The following CCDC88C variants were observed in gnomAD, a reference collection of about 807,000 sequenced individuals.
CCDC88C encodes protein Daple.
In CCDC88C, 131 loss-of-function variants were observed where a neutral mutation model predicts 198.8. That is an observed-to-expected ratio of 0.66 (90% CI 0.57 to 0.76). The LOEUF is 0.76. CCDC88C is among the 30% of genes least tolerant of loss of function. CCDC88C has a pLI of 0.00. For synonymous variants in CCDC88C, 1,166 were observed against 1,114.7 expected, an observed-to-expected ratio of 1.05 and a Z score of -0.92; for missense variants, 2,553 against 2,631.6, an observed-to-expected ratio of 0.97 and a Z score of 0.65.
At chr14:91,403,947 A>G (rs1338563472) in intron 3 of CCDC88C, among the ~76,000 whole-genome samples, 2 of 152,240 alleles carry the variant, frequency 1.3e-5, no homozygotes, top group Non-Finnish European at 2.9e-5. Context: ...ATTAAATTAA[A>G]TTTTTAAAAT....
At position 91,339,900 on chromosome 14, in the gene CCDC88C, C is replaced by T. The variant is rs890235261; in HGVS notation, c.608G>A (p.Arg203Gln). 15 of 1,589,422 alleles carry T rather than the reference C, an allele frequency of 9.4e-6. No individual in the cohort carries two copies. The highest frequency in any genetic ancestry group is 9.4e-6 in the Non-Finnish European group (11 of 1,169,170). Residue 203 changes from arginine (R) to glutamine (Q), a missense_variant, in exon 7 of 30, where the codon CGG becomes CAG. Arg to Gln is a conservative substitution (Grantham distance 43, BLOSUM62 1). Transcript: ENST00000389857. This position sits in a 1 kb window ranked among gnomAD's most constrained non-coding sequence, Gnocchi z 5.8. The stretch of plus-strand genomic sequence containing the variant: ...CGGACGCACCTCGGTGCACTCGTCC[C>T]GCTGGTCGATGAGCCTCCGCAGGTG... ...VLHLRRLIDQ[R>Q]DECTELIVDL...
intron 3 of CCDC88C, among the ~76,000 whole-genome samples, chr14:91,360,637 G>C (rs1458433468): frequency 1.3e-5 from 2 of 152,240 alleles, no homozygotes; most frequent in African/African-American, 4.8e-5. Context: ...CCCGAGGTGG[G>C]GCACAGGCGA....
In CCDC88C at chr14:91,338,597, G is replaced by GT; in HGVS notation, c.810-28dup. The GT allele has an allele frequency of 6.6e-7, 1 of 1,518,796 alleles. No individual in the cohort carries two copies. The highest frequency in any genetic ancestry group is 9.0e-7 in the Non-Finnish European group (1 of 1,116,894). 94.1% of individuals were successfully genotyped at this position (1,518,796 alleles called of 1,614,324 possible). ...TGCAGAGGCAGTAAGGAGAAAGAGTGTGGGAGGCAGCTTCCTCAACAAGCA... is the reference window on the plus strand; with the variant it reads ...TGCAGAGGCAGTAAGGAGAAAGAGTGTTGGGAGGCAGCTTCCTCAACAAGCA... On this transcript the variant is annotated intron_variant, in intron 8 of 29. Coordinates refer to ENST00000389857, the MANE Select transcript of CCDC88C (RefSeq NM_001080414.4). This position sits in a 1 kb window ranked among gnomAD's most constrained non-coding sequence, Gnocchi z 4.8.
chr14:91,417,303 C>G (rs973531197), intron 1 of CCDC88C: 2 of 664,260 alleles, frequency 3.0e-6, no homozygotes, highest in Non-Finnish European at 5.4e-6. Context: ...GGCTAAACCC[C>G]AGGGACAGGA....
chr14:91,285,792 C>T (rs2139733707), intron 25 of CCDC88C: 2 of 1,288,964 alleles, frequency 1.6e-6, no homozygotes, highest in South Asian at 2.5e-5. Flanking sequence ...TTGTCTTTGT[C>T]CTTGTTTTTG....
At chr14:91,294,933 C>T (rs992311465) in intron 22 of CCDC88C, among the ~76,000 whole-genome samples, 4 of 152,322 alleles carry the variant, frequency 2.6e-5, no homozygotes, top group African/African-American at 9.6e-5. Flanking sequence ...GCTGGGATTA[C>T]AGGCGTGAAC....
intron 23 of CCDC88C, among the ~76,000 whole-genome samples, chr14:91,292,448 TTA>T (rs1890700970): frequency 6.6e-6 from 1 of 152,178 alleles, no homozygotes; most frequent in African/African-American, 2.4e-5. Flanking sequence ...ATCACCGGGA[TTA>T]TAGAGGGCCA....
chr14:91,301,647 G>A (rs1891292420), intron 20 of CCDC88C, among the ~76,000 whole-genome samples: 2 of 152,228 alleles, frequency 1.3e-5, no homozygotes, highest in Non-Finnish European at 2.9e-5. Context: ...AAGCCGGGAG[G>A]TGGAGGCTGC....
chr14:91,307,241 A>G lies in CCDC88C; in HGVS notation c.3007-15T>C, dbSNP rs367989338. On this transcript the variant is annotated splice_polypyrimidine_tract_variant and intron_variant, in intron 17 of 29. Coordinates refer to ENST00000389857, the MANE Select transcript of CCDC88C (RefSeq NM_001080414.4). ...TCCTTCTTTAGCTACAGGTGTGACA[A>G]TAAGCAAGGAGGCTTTAGGCGGAAG... 1.7e-5 allele frequency: 27 copies of G among 1,611,364 alleles called. No individual in the cohort carries two copies. In the East Asian group the frequency reaches 4.9e-4, roughly 29 times the overall value.
At chr14:91,304,168 G>A (rs1488474518) in intron 19 of CCDC88C, among the ~76,000 whole-genome samples, 190 bp from the exon 20 acceptor site, 3 of 152,194 alleles carry the variant, frequency 2.0e-5, no homozygotes, top group Non-Finnish European at 2.9e-5. Context: ...CCGCATAGAC[G>A]GGCACTCAGA....
intron 5 of CCDC88C, 86 bp downstream of exon 5, chr14:91,343,513 T>C: frequency 6.4e-7 from 1 of 1,572,354 alleles, no homozygotes; most frequent in Non-Finnish European, 8.6e-7. Context: ...TCCTCCCACC[T>C]AAGCTAAGGG....
Position 91,299,987 on chromosome 14 carries a change from T to C in CCDC88C, c.3719A>G (p.Glu1240Gly). Residue 1240 changes from glutamate (E) to glycine (G), a missense_variant, in exon 21 of 30, where the codon GAG becomes GGG. Transcript: ENST00000389857. Reference protein sequence around the residue: ...LTTEREALQQEQRTNALAMGE... With the variant: ...LTTEREALQQGQRTNALAMGE... ...CATGGCGAGGGCGTTTGTCCTCTGC[T>C]CCTGCTGCAGCGCCTCTCGCTCAGT... is the stretch of plus-strand genomic sequence containing the variant. 1 of 1,597,094 alleles carries C rather than the reference T, an allele frequency of 6.3e-7. No individual in the cohort carries two copies. The highest frequency in any genetic ancestry group is 8.5e-7 in the Non-Finnish European group (1 of 1,172,500).
rs563393071 is a variant in CCDC88C, at chr14:91,341,805, G to A, written c.483+575C>T. 3.7e-3 allele frequency among the ~76,000 whole-genome samples: 568 copies of A among 152,316 alleles called. 2 individuals carry two copies. Among genetic ancestry groups the A allele is most frequent in the African/African-American group, 0.013 (552 of 41,570 alleles). On this transcript the variant is annotated intron_variant, in intron 6 of 29. Transcript: ENST00000389857. ...GGGAAGGTCAGGCCTCAAAGGCCAG[G>A]GGCTCCTCCTCCTCCACTCCGCTGA... is the stretch of plus-strand genomic sequence containing the variant.
intron 10 of CCDC88C, 112 bp downstream of exon 10, chr14:91,337,892 CT>C (rs1046808321): frequency 1.5e-6 from 2 of 1,342,354 alleles, no homozygotes; most frequent in African/African-American, 2.9e-5. Context: ...GAAGCATCTG[CT>C]GAAACAGCTG....
rs754472306 is a variant in CCDC88C at position 91,278,129 on chromosome 14, G to A, written c.4851C>T (p.Pro1617=). 1.2e-6 allele frequency: 2 copies of A among 1,613,358 alleles called. No individual in the cohort carries two copies. Among genetic ancestry groups the A allele is most frequent in the Non-Finnish European group, 1.7e-6 (2 of 1,179,778 alleles). Residue 1617 remains proline, a synonymous_variant, in exon 29 of 30, where the codon CCC becomes CCT. Transcript: ENST00000389857. ...TGCGTCCCGGTGTGCTGGCTTCCCG[G>A]GGCAAAGTGGCCAGGTCCCTGCTGG... The part of the protein sequence containing the change: ...LIPSRDLATL[P]REASTPGRNA...
Position 91,300,163 on chromosome 14 carries a change from G to T in CCDC88C, c.3636-93C>A, listed in dbSNP as rs1891208623. ...CAGAGGATCTGCGTGCCTCCCGTGA[G>T]AAAATGGGATTCCTCTGGAGAGTCT... On this transcript the variant is annotated intron_variant, in intron 20 of 29. Coordinates refer to ENST00000389857, the MANE Select transcript of CCDC88C (RefSeq NM_001080414.4). 4 of 1,500,282 alleles carry T rather than the reference G, an allele frequency of 2.7e-6. No individual in the cohort carries two copies. In the South Asian group the frequency reaches 3.7e-5, roughly 14 times the overall value. 92.9% of individuals were successfully genotyped at this position (1,500,282 alleles called of 1,614,324 possible). A position where few individuals can be genotyped will look rare whatever the true frequency, so the allele number is the denominator to read the frequency against.
chr14:91,307,386 G>A (rs369970366), intron 17 of CCDC88C, among the ~76,000 whole-genome samples, 160 bp from the exon 18 acceptor site: 260 of 152,302 alleles, frequency 1.7e-3, no homozygotes, highest in African/African-American at 6.1e-3. Flanking sequence ...CTTTTGAGGG[G>A]AAGGCACCAA....
chr14:91,312,708 C>G (rs1891888747), intron 15 of CCDC88C, among the ~76,000 whole-genome samples: 1 of 152,036 alleles, frequency 6.6e-6, no homozygotes. Flanking sequence ...AATACATAAA[C>G]AAACAAACAA....
chr14:91,290,452 C>A (rs1049084271), intron 24 of CCDC88C, among the ~76,000 whole-genome samples: 2 of 152,228 alleles, frequency 1.3e-5, no homozygotes, highest in African/African-American at 4.8e-5. Flanking sequence ...AGGCCGTGGA[C>A]AAGGGGCAGC....
Sources: allele counts gnomAD v4.1 joint callset (sites outside exome capture counted in the v4.1 genomes callset), GRCh38; gene constraint gnomAD v4.1.1; non-coding constraint Gnocchi (gnomAD v3.1); transcripts MANE v1.5; gene names NCBI Gene and HGNC (gene_info 2026-07-23, HGNC 2026-07-21).